AHI1: variants seen among roughly 807,000 people sequenced by gnomAD.
AHI1 encodes jouberin.
AHI1 carries 123 observed loss-of-function variants against 149.3 expected under a neutral mutation model. The ratio of observed to expected loss-of-function variants is 0.82; its 90% CI spans 0.71 to 0.96. The LOEUF is 0.96. Ranked by LOEUF, AHI1 falls within the 40% of genes least tolerant of loss-of-function variation. The probability of loss-of-function intolerance (pLI) is 0.00; values close to 1 mark genes in which losing one functional copy is unlikely to be tolerated. For synonymous variants in AHI1, 475 were observed against 459.8 expected, an observed-to-expected ratio of 1.03 and a Z score of -0.42; for missense variants, 1,439 against 1,422.7, an observed-to-expected ratio of 1.01 and a Z score of -0.18.
intron 9 of AHI1, among the ~76,000 whole-genome samples, chr6:135,456,476 T>C (rs1403946470): frequency 1.3e-5 from 2 of 151,468 alleles, no homozygotes; most frequent in Admixed American, 6.6e-5. Flanking sequence ...CCCAGGGAGG[T>C]TGAGGCTGTA....
intron 7 of AHI1, 137 bp from the exon 8 acceptor site, chr6:135,463,443 G>T: frequency 2.9e-6 from 2 of 679,338 alleles, no homozygotes; most frequent in Non-Finnish European, 2.2e-6. Flanking sequence ...AGAGATGCAT[G>T]TATTTTCTTA....
At chr6:135,382,991 CACTT>C (rs1458758529) in intron 23 of AHI1, among the ~76,000 whole-genome samples, 2 of 132,890 alleles carry the variant, frequency 1.5e-5, no homozygotes, top group African/African-American at 5.7e-5. Flanking sequence ...AAAATTGGAT[CACTT>C]ACCACAGAAT....
intron 20 of AHI1, among the ~76,000 whole-genome samples, chr6:135,411,949 A>G (rs939668430): frequency 5.9e-5 from 9 of 152,212 alleles, no homozygotes; most frequent in African/African-American, 1.2e-4. Context: ...CACATTCTAT[A>G]TATCATAATG....
At chr6:135,374,974 G>A (rs773484817) in intron 23 of AHI1, among the ~76,000 whole-genome samples, 1 of 152,152 alleles carries the variant, frequency 6.6e-6, no homozygotes, top group African/African-American at 2.4e-5. Flanking sequence ...CTTAGATGAT[G>A]TGGCCCAACT....
At chr6:135,325,507 G>A (rs1211974709) in intron 24 of AHI1, among the ~76,000 whole-genome samples, 1 of 152,164 alleles carries the variant, frequency 6.6e-6, no homozygotes, top group South Asian at 2.1e-4. Flanking sequence ...AGCTGTTTAG[G>A]TGTTATTCTG....
intron 5 of AHI1, among the ~76,000 whole-genome samples, chr6:135,488,970 A>G (rs1476524253): frequency 6.6e-6 from 1 of 152,194 alleles, no homozygotes; most frequent in Non-Finnish European, 1.5e-5. Flanking sequence ...ACAGAAATAA[A>G]ACCCTGTAAT....
chr6:135,446,425 T>C (rs994369363), intron 13 of AHI1, among the ~76,000 whole-genome samples: 1 of 152,198 alleles, frequency 6.6e-6, no homozygotes, highest in Non-Finnish European at 1.5e-5. Flanking sequence ...ACCTTGATCT[T>C]TGCTATGCAC....
chr6:135,494,453 A>T (rs1352872681), intron 3 of AHI1, among the ~76,000 whole-genome samples: 1 of 152,236 alleles, frequency 6.6e-6, no homozygotes, highest in Non-Finnish European at 1.5e-5. Flanking sequence ...TCCAAATACC[A>T]GTTCTATCTG....
chr6:135,343,228 T>G (rs1393025685), intron 24 of AHI1, among the ~76,000 whole-genome samples: 1 of 151,508 alleles, frequency 6.6e-6, no homozygotes, highest in African/African-American at 2.4e-5. Context: ...ACAAATAAAT[T>G]TAACAAAAAA....
chr6:135,354,966 A>G (rs1173146643), intron 24 of AHI1, among the ~76,000 whole-genome samples: 4 of 152,212 alleles, frequency 2.6e-5, no homozygotes, highest in Non-Finnish European at 5.9e-5. Context: ...TAGCAGTCTG[A>G]TGTCCAATGT....
At chr6:135,421,553 T>C (rs1407463595) in intron 20 of AHI1, among the ~76,000 whole-genome samples, 2 of 151,768 alleles carry the variant, frequency 1.3e-5, no homozygotes, top group Non-Finnish European at 2.9e-5. Context: ...AAATACAGAG[T>C]GGTAGTATTT....
At chr6:135,300,934 T>TATAGTATACTCTATATTTTC (rs1397503702) in intron 26 of AHI1, 1 of 993,180 alleles carries the variant, frequency 1.0e-6, no homozygotes, top group African/African-American at 1.7e-5. Flanking sequence ...TCATATTCTT[T>TATAGTATACTCTATATTTTC]ATAGTATACT....
At chr6:135,415,293 T>C (rs1357116959) in intron 20 of AHI1, among the ~76,000 whole-genome samples, 1 of 152,148 alleles carries the variant, frequency 6.6e-6, no homozygotes, top group Non-Finnish European at 1.5e-5. Flanking sequence ...TGTGTCTTTA[T>C]AGCAGCATGA....
At chr6:135,290,949 T>C (rs890106922) in intron 27 of AHI1, among the ~76,000 whole-genome samples, 2 of 126,408 alleles carry the variant, frequency 1.6e-5, no homozygotes, top group Admixed American at 7.3e-5. Flanking sequence ...CACAAAAGTA[T>C]AGGACATTCA....
chr6:135,327,194 C>T lies in AHI1; in HGVS notation c.3166-3870G>A, dbSNP rs114859880. Among the ~76,000 whole-genome samples the T allele has an allele frequency of 4.0e-3, 613 of 152,312 alleles. 1 individual carries two copies. The highest frequency in any genetic ancestry group is 0.014 in the African/African-American group (588 of 41,566). On this transcript the variant is annotated intron_variant, in intron 24 of 28. Transcript: ENST00000265602. The stretch of plus-strand genomic sequence containing the variant: ...TTAGGGCAGCCCTAGCAGGCTAGTA[C>T]ACTTTTAAACCTGATGGTGTCAGAT...
chr6:135,364,375 G>T (rs927100951), intron 23 of AHI1, among the ~76,000 whole-genome samples: 4 of 151,358 alleles, frequency 2.6e-5, no homozygotes, highest in African/African-American at 9.7e-5. Flanking sequence ...AGATGGGATG[G>T]CAGCCGGGCA....
At chr6:135,311,224 C>T (rs1256525114) in intron 26 of AHI1, among the ~76,000 whole-genome samples, 2 of 145,940 alleles carry the variant, frequency 1.4e-5, no homozygotes, top group African/African-American at 5.1e-5. Context: ...ATCACTTGAA[C>T]TGGGAAGGCA....
At chr6:135,304,471 T>C (rs1048417250) in intron 26 of AHI1, among the ~76,000 whole-genome samples, 20 of 152,182 alleles carry the variant, frequency 1.3e-4, no homozygotes, top group Admixed American at 1.2e-3. Flanking sequence ...AGAAGCATAC[T>C]GTAACAAAAA....
intron 16 of AHI1, among the ~76,000 whole-genome samples, chr6:135,432,416 G>A (rs759349368): frequency 3.3e-5 from 5 of 151,936 alleles, no homozygotes; most frequent in Admixed American, 6.6e-5. Flanking sequence ...GCAGTGGCGC[G>A]ATCTCAGCTT....
Sources: allele counts gnomAD v4.1 joint callset (sites outside exome capture counted in the v4.1 genomes callset), GRCh38; gene constraint gnomAD v4.1.1; transcripts MANE v1.5; gene names NCBI Gene and HGNC (gene_info 2026-07-23, HGNC 2026-07-21).